Variants in TUSC3 observed in about 807,000 individuals in gnomAD.
The protein encoded by TUSC3 is tumor suppressor candidate 3.
Under a neutral mutation model 44.8 loss-of-function variants are expected in TUSC3, and 45 were observed. The ratio of observed to expected loss-of-function variants is 1.00; its 90% CI spans 0.79 to 1.29. The LOEUF is 1.29. Ranked by LOEUF, TUSC3 falls within the 50% of genes most tolerant of loss-of-function variation. The pLI, the probability that TUSC3 is intolerant of heterozygous loss-of-function variation, is 0.00. For missense variants in TUSC3, 519 were observed against 437.9 expected (o/e 1.19, Z -1.65); for synonymous variants, 212 against 152.9 (o/e 1.39, Z -2.85).
chr8:15,751,049 T>G (rs988229658), intron 9 of TUSC3, among the ~76,000 whole-genome samples: 3 of 152,156 alleles, frequency 2.0e-5, no homozygotes, highest in East Asian at 1.9e-4. Flanking sequence ...GGCAGGCCTC[T>G]GGCTGCTATA....
At chr8:15,561,179 T>G (rs1441657103) in intron 1 of TUSC3, among the ~76,000 whole-genome samples, 1 of 117,588 alleles carries the variant, frequency 8.5e-6, no homozygotes, top group Non-Finnish European at 1.8e-5. Flanking sequence ...CAGATGGGTT[T>G]TTGGTGTGGA....
At chr8:15,542,481 A>G (rs1801724860) in intron 1 of TUSC3, among the ~76,000 whole-genome samples, 1 of 151,882 alleles carries the variant, frequency 6.6e-6, no homozygotes, top group Non-Finnish European at 1.5e-5. Context: ...TAGCTTTGGG[A>G]TATGCCCTCG....
chr8:15,453,574 G>A (rs930323534), intron 1 of TUSC3, among the ~76,000 whole-genome samples: 2 of 152,138 alleles, frequency 1.3e-5, no homozygotes, highest in South Asian at 4.1e-4. Flanking sequence ...TTTCATTAGC[G>A]ATGACTGCCT....
chr8:15,460,251 C>T (rs974772248), intron 1 of TUSC3, among the ~76,000 whole-genome samples: 2 of 152,006 alleles, frequency 1.3e-5, no homozygotes, highest in East Asian at 1.9e-4. Flanking sequence ...AAGTTGGTAT[C>T]GCATTGTCGT....
At chr8:15,638,280 T>G (rs3789000) in intron 2 of TUSC3, among the ~76,000 whole-genome samples, 23,150 of 151,814 alleles carry the variant, frequency 0.15, 1,999 homozygotes, top group South Asian at 0.33. Context: ...ATTTCCTCAC[T>G]TCCATTTACA....
chr8:15,795,624 G>A, the TUSC3 span, among the ~76,000 whole-genome samples: 1 of 152,156 alleles, frequency 6.6e-6, no homozygotes, highest in Non-Finnish European at 1.5e-5. Flanking sequence ...TAAAAAATGC[G>A]TGGCTACACA....
chr8:15,694,435 C>CAAAAA (rs146718595), intron 6 of TUSC3, among the ~76,000 whole-genome samples: 4 of 83,216 alleles, frequency 4.8e-5, no homozygotes, highest in Non-Finnish European at 6.4e-5. Context: ...AAACTCCATC[C>CAAAAA]AAAAAAAAAA....
intron 6 of TUSC3, among the ~76,000 whole-genome samples, chr8:15,684,442 T>G (rs1027557724): frequency 2.6e-5 from 4 of 152,172 alleles, no homozygotes; most frequent in African/African-American, 7.2e-5. Flanking sequence ...CCCAAGAGGC[T>G]TGAGTTCTCC....
intron 6 of TUSC3, among the ~76,000 whole-genome samples, chr8:15,728,468 G>T (rs1810588748): frequency 6.6e-6 from 1 of 151,306 alleles, no homozygotes; most frequent in South Asian, 2.1e-4. Context: ...GAGGGAGGGA[G>T]GGAGGGAGGA....
chr8:15,786,386 A>C, the TUSC3 span, among the ~76,000 whole-genome samples: 1 of 152,364 alleles, frequency 6.6e-6, no homozygotes, highest in South Asian at 2.1e-4. Context: ...AGGGGAAAAT[A>C]TTTTAATGTG....
intron 6 of TUSC3, among the ~76,000 whole-genome samples, chr8:15,720,407 A>G (rs1810258562): frequency 6.6e-6 from 1 of 152,028 alleles, no homozygotes; most frequent in Non-Finnish European, 1.5e-5. Flanking sequence ...TATTAGTTAA[A>G]CCCAGTCTGA....
chr8:15,434,937 G>A (rs1016206446), intron 1 of TUSC3, among the ~76,000 whole-genome samples: 1 of 150,866 alleles, frequency 6.6e-6, no homozygotes, highest in Non-Finnish European at 1.5e-5. Flanking sequence ...GTCTATCATT[G>A]TTGAACATTT....
intron 1 of TUSC3, among the ~76,000 whole-genome samples, chr8:15,474,113 C>T (rs1432969751): frequency 6.6e-6 from 1 of 152,120 alleles, no homozygotes; most frequent in African/African-American, 2.4e-5. Context: ...AATATCTTCC[C>T]TACTTACACG....
chr8:15,660,334 T>C (rs765203301), intron 4 of TUSC3, among the ~76,000 whole-genome samples: 36 of 152,078 alleles, frequency 2.4e-4, no homozygotes, highest in Non-Finnish European at 4.0e-4. Flanking sequence ...GTAAAACATT[T>C]CAAAGTAGGT....
At chr8:15,608,466 A>G (rs987172255) in intron 1 of TUSC3, among the ~76,000 whole-genome samples, 19 of 152,152 alleles carry the variant, frequency 1.2e-4, no homozygotes, top group Admixed American at 2.0e-4. Flanking sequence ...AGTCTTCCAC[A>G]TGAAGTGTGA....
At chr8:15,467,524 A>G (rs1299805608) in intron 1 of TUSC3, among the ~76,000 whole-genome samples, 1 of 152,202 alleles carries the variant, frequency 6.6e-6, no homozygotes, top group East Asian at 1.9e-4. Flanking sequence ...GCACTAATTG[A>G]TCTTATTCTG....
chr8:15,670,011 T>A (rs1431162948), intron 5 of TUSC3, among the ~76,000 whole-genome samples: 2 of 151,762 alleles, frequency 1.3e-5, no homozygotes, highest in African/African-American at 4.8e-5. Context: ...AAGGAAGTTT[T>A]AAAAAAATCT....
At chr8:15,657,851 A>G (rs929231329) in intron 3 of TUSC3, among the ~76,000 whole-genome samples, 5 of 152,178 alleles carry the variant, frequency 3.3e-5, no homozygotes, top group Non-Finnish European at 7.3e-5. Flanking sequence ...ATGAACAGAT[A>G]TTTGTTTCCC....
intron 1 of TUSC3, among the ~76,000 whole-genome samples, chr8:15,474,150 A>C (rs1244847374): frequency 1.3e-5 from 2 of 152,208 alleles, no homozygotes; most frequent in Non-Finnish European, 2.9e-5. Context: ...CTGCACGAAG[A>C]AAAATATGGC....
Sources: gnomAD v4.1 joint callset for allele counts (sites outside exome capture counted in the v4.1 genomes callset) on GRCh38, gnomAD v4.1.1 for gene constraint, MANE v1.5 for transcripts, NCBI Gene and HGNC (gene_info 2026-07-23, HGNC 2026-07-21) for gene names.